Variants in MAGI3 observed in about 807,000 individuals in gnomAD.
MAGI3 encodes the protein membrane-associated guanylate kinase, WW and PDZ domain-containing protein 3.
In MAGI3, 43 loss-of-function variants were observed where a neutral mutation model predicts 121.8. That is an observed-to-expected ratio of 0.35 (90% CI 0.28 to 0.46). The LOEUF (loss-of-function observed/expected upper bound fraction) is 0.46. MAGI3 is among the 20% of genes least tolerant of loss of function. The pLI is 1.00. For missense variants in MAGI3, 1,547 were observed against 1,797.3 expected (o/e 0.86, Z 2.52); for synonymous variants, 553 against 639.3 (o/e 0.86, Z 2.04).
At chr1:113,437,880 C>CTTCCTCTTCCTCTT (rs1557757197) in intron 1 of MAGI3, among the ~76,000 whole-genome samples, 9 of 17,020 alleles carry the variant, frequency 5.3e-4, no homozygotes, top group Non-Finnish European at 7.6e-4. Flanking sequence ...TTCTTCTTCT[C>CTTCCTCTTCCTCTT]CTTCTCCTTC....
At chr1:113,492,458 CA>C (rs1331982811) in intron 1 of MAGI3, among the ~76,000 whole-genome samples, 1 of 152,146 alleles carries the variant, frequency 6.6e-6, no homozygotes, top group African/African-American at 2.4e-5. Flanking sequence ...AAAACTTGCA[CA>C]AGAAAAAGAT....
rs1288087861 is a variant in MAGI3, at chr1:113,622,939, A to G, written c.1305A>G (p.Gln435=). The stretch of plus-strand genomic sequence containing the variant: ...GAGATAGACCTGATGAGTTCCTACA[A>G]GTGAAAAATGTGCTGAAAGATGGTC... ...IGGDRPDEFL[Q]VKNVLKDGPA... is the part of the protein sequence containing the mutation. The change falls in exon 9 of 21, where the codon CAA becomes CAG. Residue 435 remains glutamine (Q), a synonymous_variant. Coordinates refer to ENST00000307546, the MANE Select transcript of MAGI3 (RefSeq NM_001142782.2). 6.3e-7 allele frequency: 1 copy of G among 1,575,880 alleles called. No individual in the cohort carries two copies. Among genetic ancestry groups the G allele is most frequent in the South Asian group, 1.2e-5 (1 of 82,386 alleles).
At chr1:113,414,178 GT>G (rs1268585979) in intron 1 of MAGI3, among the ~76,000 whole-genome samples, 1 of 152,064 alleles carries the variant, frequency 6.6e-6, no homozygotes, top group Admixed American at 6.6e-5. Context: ...GATGGATTAC[GT>G]TTATTGATTT....
At chr1:113,583,485 G>T (rs1235687) in intron 3 of MAGI3, among the ~76,000 whole-genome samples, 111,962 of 151,960 alleles carry the variant, frequency 0.74, 41,777 homozygotes, top group African/African-American at 0.78. Flanking sequence ...TCTCGAGTTA[G>T]ATAATAATTA....
chr1:113,443,335 C>T (rs1403760294), intron 1 of MAGI3, among the ~76,000 whole-genome samples: 1 of 152,080 alleles, frequency 6.6e-6, no homozygotes, highest in African/African-American at 2.4e-5. Context: ...TTCTTGAAGA[C>T]TAGCAGGAAG....
At position 113,422,497 on chromosome 1, in the gene MAGI3, G is replaced by A. The variant is rs1315203116; in HGVS notation, c.316+31148G>A. Among the ~76,000 whole-genome samples the A allele has an allele frequency of 2.6e-5, 4 of 152,246 alleles. No homozygotes were observed. Among genetic ancestry groups the A allele is most frequent in the Non-Finnish European group, 4.4e-5 (3 of 68,040 alleles). On this transcript the variant is annotated intron_variant, in intron 1 of 20. Transcript: ENST00000307546. This position sits in a 1 kb window ranked among gnomAD's most constrained non-coding sequence, Gnocchi z 4.3. Reference sequence around the variant, plus strand: ...TGCCAAGGGTGAGCCAGGACAGAGCGGTGAGGGGCATGTGAGTGAGCGAGT... The same window carrying A: ...TGCCAAGGGTGAGCCAGGACAGAGCAGTGAGGGGCATGTGAGTGAGCGAGT...
chr1:113,407,163 A>T (rs1162655476), intron 1 of MAGI3, among the ~76,000 whole-genome samples: 3 of 152,104 alleles, frequency 2.0e-5, no homozygotes, highest in Non-Finnish European at 4.4e-5. Flanking sequence ...TTGGAGAATG[A>T]TTGGTATGTA....
intron 14 of MAGI3, among the ~76,000 whole-genome samples, chr1:113,652,533 CTACT>C (rs1653228307): frequency 6.6e-6 from 1 of 151,866 alleles, no homozygotes; most frequent in African/African-American, 2.4e-5. Context: ...CCAAATGTAA[CTACT>C]TACAGTAAAA....
intron 1 of MAGI3, among the ~76,000 whole-genome samples, chr1:113,485,097 CA>C (rs1421883153): frequency 1.3e-5 from 2 of 152,122 alleles, no homozygotes; most frequent in East Asian, 3.9e-4. Context: ...CATATTTCTG[CA>C]ACTGCAAATT....
At chr1:113,582,991 A>T (rs998768611) in intron 3 of MAGI3, among the ~76,000 whole-genome samples, 13 of 151,752 alleles carry the variant, frequency 8.6e-5, no homozygotes, top group African/African-American at 2.7e-4. Context: ...TTCAGAAAAT[A>T]AAAAAAACTT....
At chr1:113,608,540 A>G (rs141595006) in intron 6 of MAGI3, among the ~76,000 whole-genome samples, 146 of 152,290 alleles carry the variant, frequency 9.6e-4, no homozygotes, top group Non-Finnish European at 1.8e-3. Context: ...CTCTGTGTTC[A>G]ACTGCAAGCC....
chr1:113,574,393 A>C (rs1647495642), intron 2 of MAGI3, among the ~76,000 whole-genome samples: 1 of 152,144 alleles, frequency 6.6e-6, no homozygotes, highest in African/African-American at 2.4e-5. Context: ...TTGGTGACAA[A>C]ATCCCTCAGC....
At chr1:113,524,005 T>G (rs1658331685) in intron 1 of MAGI3, among the ~76,000 whole-genome samples, 1 of 152,098 alleles carries the variant, frequency 6.6e-6, no homozygotes, top group Non-Finnish European at 1.5e-5. Flanking sequence ...CCACTCCAGC[T>G]GTGACTAAAA....
At chr1:113,638,527 G>A (rs572122489) in intron 9 of MAGI3, among the ~76,000 whole-genome samples, 3 of 152,356 alleles carry the variant, frequency 2.0e-5, no homozygotes, top group South Asian at 4.1e-4. Context: ...TACCAGCAGC[G>A]GTAGCTGCAC....
At position 113,684,950 on chromosome 1, in the gene MAGI3, G is replaced by A. The variant is rs1409730156; in HGVS notation, c.*936G>A. 6.6e-6 allele frequency: 1 copy of A among 152,274 alleles called. No individual in the cohort carries two copies. Among genetic ancestry groups the A allele is most frequent in the Non-Finnish European group, 1.5e-5 (1 of 68,012 alleles). 9.4% of individuals were successfully genotyped at this position (152,274 alleles called of 1,614,324 possible). On this transcript the variant is annotated 3_prime_UTR_variant, in exon 21 of 21. Coordinates refer to ENST00000307546, the MANE Select transcript of MAGI3 (RefSeq NM_001142782.2). ...AGTCTTTAATACATAATACATATTT[G>A]AAAAGTAAACATATTATATAGATTA...
chr1:113,494,612 A>G (rs898047743), intron 1 of MAGI3, among the ~76,000 whole-genome samples: 1 of 152,236 alleles, frequency 6.6e-6, no homozygotes, highest in African/African-American at 2.4e-5. Flanking sequence ...TTTATTTAAA[A>G]TATAAAACTA....
At chr1:113,611,543 A>G (rs1241571691) in intron 6 of MAGI3, among the ~76,000 whole-genome samples, 1 of 151,882 alleles carries the variant, frequency 6.6e-6, no homozygotes, top group Non-Finnish European at 1.5e-5. Context: ...TTGTTTTATT[A>G]TCCATTCTAC....
rs1348520690 is a variant in MAGI3 at position 113,642,011 on chromosome 1, C to T, written c.1461C>T (p.Asn487=). 2 of 1,614,042 alleles carry T rather than the reference C, an allele frequency of 1.2e-6. No individual in the cohort carries two copies. Among genetic ancestry groups the T allele is most frequent in the African/African-American group, 2.7e-5 (2 of 74,906 alleles). The part of the protein sequence containing the change: ...FQLVPVNQYV[N]LTLCRGYPLP... Reference sequence around the variant, plus strand: ...TGGTACCTGTCAATCAGTATGTAAACCTCACTTTATGTCGTGGTTATCCAC... The same window carrying T: ...TGGTACCTGTCAATCAGTATGTAAATCTCACTTTATGTCGTGGTTATCCAC... Residue 487 remains asparagine (N), a synonymous_variant, in exon 10 of 21, where the codon AAC becomes AAT. Coordinates refer to ENST00000307546, the MANE Select transcript of MAGI3 (RefSeq NM_001142782.2).
chr1:113,458,507 T>G (rs1162220246), intron 1 of MAGI3, among the ~76,000 whole-genome samples: 1 of 152,092 alleles, frequency 6.6e-6, no homozygotes, highest in Non-Finnish European at 1.5e-5. Flanking sequence ...ATTTTTATGT[T>G]TTTTACTTTT....
Sources: allele counts gnomAD v4.1 joint callset (sites outside exome capture counted in the v4.1 genomes callset), GRCh38; gene constraint gnomAD v4.1.1; non-coding constraint Gnocchi (gnomAD v3.1); transcripts MANE v1.5; gene names NCBI Gene and HGNC (gene_info 2026-07-23, HGNC 2026-07-21).